WDR4: variants seen among roughly 807,000 people sequenced by gnomAD.
WDR4 encodes tRNA (guanine-N(7)-)-methyltransferase non-catalytic subunit WDR4.
WDR4 carries 47 observed loss-of-function variants against 48.6 expected under a neutral mutation model. The observed-to-expected ratio is 0.97, with a 90% CI of 0.77 to 1.23. The LOEUF is 1.23. Among genes scored for constraint, WDR4 ranks in the 50% most tolerant of loss-of-function variants. The probability of loss-of-function intolerance (pLI) is 0.00; values close to 1 mark genes in which losing one functional copy is unlikely to be tolerated. For missense variants in WDR4, 606 were observed against 551.6 expected (o/e 1.10, Z -0.99); for synonymous variants, 268 against 230.0 (o/e 1.17, Z -1.49).
At chr21:42,867,126 C>T (rs375517962) in intron 3 of WDR4, among the ~76,000 whole-genome samples, 1 of 152,226 alleles carries the variant, frequency 6.6e-6, no homozygotes, top group Non-Finnish European at 1.5e-5. Flanking sequence ...CGCAGTGGCT[C>T]ACGCCTCTAA....
the WDR4 span, among the ~76,000 whole-genome samples, chr21:42,892,934 G>A: frequency 1.4e-4 from 21 of 152,386 alleles, no homozygotes; most frequent in South Asian, 4.3e-3. Context: ...CCCCAGGGAA[G>A]GTCGCAGATT....
chr21:42,885,570 T>C, the WDR4 span, among the ~76,000 whole-genome samples: 2 of 151,244 alleles, frequency 1.3e-5, no homozygotes, highest in African/African-American at 2.4e-5. Flanking sequence ...GATCGCACCA[T>C]TGCACTCCAG....
At chr21:42,863,183 C>A (rs1478254163) in intron 4 of WDR4, among the ~76,000 whole-genome samples, 3 of 152,196 alleles carry the variant, frequency 2.0e-5, no homozygotes, top group Non-Finnish European at 4.4e-5. Flanking sequence ...TCCCCTGCTC[C>A]CAAATCTGCA....
chr21:42,859,043 A>G (rs367918150), intron 6 of WDR4, among the ~76,000 whole-genome samples: 9 of 152,232 alleles, frequency 5.9e-5, no homozygotes, highest in African/African-American at 1.7e-4. Flanking sequence ...TAGAGAAAAC[A>G]CGTCTCTCAT....
At chr21:42,891,542 A>G in the WDR4 span, among the ~76,000 whole-genome samples, 2 of 152,068 alleles carry the variant, frequency 1.3e-5, no homozygotes, top group African/African-American at 4.8e-5. Flanking sequence ...GGTGACGTGG[A>G]TCTTCCAATT....
chr21:42,866,603 C>T (rs1018879271), intron 3 of WDR4, among the ~76,000 whole-genome samples: 5 of 152,138 alleles, frequency 3.3e-5, no homozygotes, highest in South Asian at 4.1e-4. Flanking sequence ...GCGGACCAGC[C>T]ACAGGGTGCT....
chr21:42,848,547 TCA>T (rs1454334507), downstream of WDR4, among the ~76,000 whole-genome samples: 1 of 43,262 alleles, frequency 2.3e-5, no homozygotes, highest in Non-Finnish European at 3.9e-5. Context: ...GGCGCGCACC[TCA>T]CACAGCACAC....
downstream of WDR4, among the ~76,000 whole-genome samples, chr21:42,844,885 C>T (rs1229447146): frequency 8.5e-5 from 13 of 152,198 alleles, no homozygotes; most frequent in African/African-American, 1.9e-4. Context: ...GCACACACCA[C>T]GGAAGCCAGG....
At chr21:42,878,733 G>A (rs2058558186) in intron 1 of WDR4, among the ~76,000 whole-genome samples, 1 of 152,140 alleles carries the variant, frequency 6.6e-6, no homozygotes, top group South Asian at 2.1e-4. Context: ...CCTAGCACTG[G>A]CGATACACTA....
chr21:42,855,674 G>T lies in WDR4; in HGVS notation c.726+8C>A. The T allele has an allele frequency of 6.5e-7, 1 of 1,545,610 alleles. No individual in the cohort carries two copies. Among genetic ancestry groups the T allele is most frequent in the South Asian group, 1.2e-5 (1 of 83,756 alleles). ...CTCAGTCGCCCAGGAGTGAACAGAA[G>T]CAGCTACCTGGGGGGCCTGGGGGTC... On this transcript the variant is annotated splice_region_variant and intron_variant, in intron 7 of 10. Transcript: ENST00000398208.
At chr21:42,851,584 G>A (rs2057828659) in intron 10 of WDR4, among the ~76,000 whole-genome samples, 1 of 152,208 alleles carries the variant, frequency 6.6e-6, no homozygotes, top group Non-Finnish European at 1.5e-5. Flanking sequence ...CCATCCTGCA[G>A]ACACCATCAC....
Position 42,852,236 on chromosome 21 carries a change from C to G in WDR4, c.1045+19G>C, listed in dbSNP as rs942716261. ...CGCTGGGTGTGACCCCCAAGGGCAGCCTGCACCCGTGCTCTCACCTTCCAG... is the reference window on the plus strand; with the variant it reads ...CGCTGGGTGTGACCCCCAAGGGCAGGCTGCACCCGTGCTCTCACCTTCCAG... On this transcript the variant is annotated intron_variant, in intron 10 of 10. Coordinates refer to ENST00000398208, the MANE Select transcript of WDR4 (RefSeq NM_018669.6). 1 of 1,613,754 alleles carries G rather than the reference C, an allele frequency of 6.2e-7. No homozygotes were observed.
intron 10 of WDR4, 64 bp from the exon 11 acceptor site, chr21:42,850,306 C>T (rs1179300351): frequency 1.4e-6 from 2 of 1,447,658 alleles, no homozygotes; most frequent in Non-Finnish European, 1.9e-6. Context: ...GCCACCACAG[C>T]GGGCCCCCTG....
In WDR4 at chr21:42,859,715, T is replaced by C; in HGVS notation, c.574A>G (p.Ser192Gly). The change falls in exon 6 of 11, where the codon AGC becomes GGC. Residue 192 changes from serine (S) to glycine (G), a missense_variant. By Grantham distance (56) the Ser-to-Gly change is moderately conservative. Transcript: ENST00000398208. ...SFCLGHTEFV[S>G]RISVVPTQPG... ...TGAGTTGGCACCACGGAGATACGGC[T>C]CACAAACCTGTGAGGGCGAGAGAGA... 6.4e-7 allele frequency: 1 copy of C among 1,558,968 alleles called. No individual in the cohort carries two copies. The highest frequency in any genetic ancestry group is 8.7e-7 in the Non-Finnish European group (1 of 1,151,914).
At chr21:42,848,419 TCA>T (rs561026268), downstream of WDR4, among the ~76,000 whole-genome samples, 7 of 72,262 alleles carry the variant, frequency 9.7e-5, no homozygotes, top group South Asian at 1.8e-3. Context: ...CGCACCTCAC[TCA>T]CACAGCGCAC....
In WDR4 at chr21:42,862,267, G is replaced by A. The variant is rs766944556; in HGVS notation, c.566+15C>T. The A allele has an allele frequency of 3.8e-6, 6 of 1,591,336 alleles. No individual in the cohort carries two copies. Among genetic ancestry groups the A allele is most frequent in the Non-Finnish European group, 5.1e-6 (6 of 1,168,316 alleles). Reference sequence around the variant, plus strand: ...AGACCTTCTTTCTGCTGGAGGGGCAGGAAGGGGCACTCACTCTGTGTGCCC... The same window carrying A: ...AGACCTTCTTTCTGCTGGAGGGGCAAGAAGGGGCACTCACTCTGTGTGCCC... On this transcript the variant is annotated intron_variant, in intron 5 of 10. Transcript: ENST00000398208. The surrounding 1 kb of genome is among the most constrained non-coding windows in gnomAD (Gnocchi z 4.3).
chr21:42,847,393 T>C (rs918543472), downstream of WDR4, among the ~76,000 whole-genome samples: 5 of 152,112 alleles, frequency 3.3e-5, no homozygotes, highest in Non-Finnish European at 7.4e-5. Flanking sequence ...AGTCTATCAG[T>C]CAAGGTACCA....
the WDR4 span, among the ~76,000 whole-genome samples, chr21:42,887,294 AT>A: frequency 0.046 from 6,507 of 141,200 alleles, 302 homozygotes; most frequent in African/African-American, 0.13. Context: ...GCCTGGCCTA[AT>A]TTTTTTTTTT....
chr21:42,865,088 A>G (rs2058218217), intron 3 of WDR4, among the ~76,000 whole-genome samples: 1 of 152,214 alleles, frequency 6.6e-6, no homozygotes. Context: ...TAAAAGACAG[A>G]AAAGGGCAGG....
Sources: gnomAD v4.1 joint callset for allele counts (sites outside exome capture counted in the v4.1 genomes callset) on GRCh38, gnomAD v4.1.1 for gene constraint, Gnocchi (gnomAD v3.1) non-coding constraint, MANE v1.5 for transcripts, NCBI Gene and HGNC (gene_info 2026-07-23, HGNC 2026-07-21) for gene names.